Variants in GGT5 observed in about 807,000 individuals in gnomAD.
The protein encoded by GGT5 is gamma-glutamyltransferase 5, also known as glutathione hydrolase 5 proenzyme.
GGT5 carries 50 observed loss-of-function variants against 58.1 expected under a neutral mutation model. The observed-to-expected ratio is 0.86, with a 90% CI of 0.69 to 1.09. GGT5 has a LOEUF of 1.09. Among genes scored for constraint, GGT5 ranks in the 50% least tolerant of loss-of-function variants. GGT5 has a pLI of 0.00. For missense variants in GGT5, 800 were observed against 789.4 expected (o/e 1.01, Z -0.16); for synonymous variants, 370 against 346.1 (o/e 1.07, Z -0.77).
At chr22:24,238,807 A>AAT (rs1556042034) in intron 1 of GGT5, among the ~76,000 whole-genome samples, 158 of 2,204 alleles carry the variant, frequency 0.072, 10 homozygotes, top group East Asian at 0.14. Context: ...ATATATATAT[A>AAT]ATATATTATA....
chr22:24,226,877 C>T, intron 6 of GGT5, 110 bp from the exon 7 acceptor site: 1 of 833,012 alleles, frequency 1.2e-6, no homozygotes, highest in Non-Finnish European at 2.0e-6. Context: ...ATTCCCAAAA[C>T]CTGTGGATAT....
In GGT5 at chr22:24,224,978, C is replaced by T. The variant is rs747658498; in HGVS notation, c.1614+18G>A. 4 of 1,514,812 alleles carry T rather than the reference C, an allele frequency of 2.6e-6. No individual in the cohort carries two copies. In the South Asian group the frequency reaches 4.7e-5, roughly 18 times the overall value. The allele number at this position is 1,514,812 out of a possible 1,614,324, so 93.8% of individuals were successfully genotyped here. On this transcript the variant is annotated intron_variant, in intron 11 of 11. Transcript: ENST00000327365. ...AGTGGGCTCTGCCCTAGGCATCCAG[C>T]TCGGACCTCAGCCTCACCTGGCTGA... is the stretch of plus-strand genomic sequence containing the variant.
At chr22:24,221,344 CT>C (rs1407784705) in intron 11 of GGT5, among the ~76,000 whole-genome samples, 2 of 150,980 alleles carry the variant, frequency 1.3e-5, no homozygotes, top group East Asian at 3.9e-4. Context: ...CTAAACTGCT[CT>C]TAAGATCAGT....
intron 8 of GGT5, 44 bp downstream of exon 8, chr22:24,226,032 A>T (rs1400334724): frequency 2.2e-6 from 3 of 1,371,046 alleles, no homozygotes; most frequent in African/African-American, 1.4e-5. Flanking sequence ...CAGGTCTAGG[A>T]GAGGAGGAGT....
At chr22:24,227,085 A>G (rs2148898294) in intron 6 of GGT5, among the ~76,000 whole-genome samples, 1 of 151,132 alleles carries the variant, frequency 6.6e-6, no homozygotes, top group Admixed American at 6.6e-5. Context: ...AGTAGCTGAG[A>G]CTACATGTGT....
At position 24,231,471 on chromosome 22, in the gene GGT5, C is replaced by T. The variant is rs2047938361; in HGVS notation, c.814G>A (p.Glu272Lys). 5 of 1,578,346 alleles carry T rather than the reference C, an allele frequency of 3.2e-6. No homozygotes were observed. In the East Asian group the frequency reaches 1.2e-4, roughly 37 times the overall value. Residue 272 changes from glutamate (E) to lysine (K), a missense_variant, in exon 6 of 12, where the codon GAG becomes AAG. By Grantham distance (56) the Glu-to-Lys change is moderately conservative. Coordinates refer to ENST00000327365, the MANE Select transcript of GGT5 (RefSeq NM_004121.5). ...AGGGTATAGTCCCCCAGGGGCACCT[C>T]CAGGGCATCCACCACCTCGGGCTGG... Reference protein sequence around the residue: ...KFQPEVVDALEVPLGDYTLYS... With the variant: ...KFQPEVVDALKVPLGDYTLYS...
At chr22:24,224,664 A>G (rs2047696622) in intron 11 of GGT5, among the ~76,000 whole-genome samples, 1 of 152,232 alleles carries the variant, frequency 6.6e-6, no homozygotes, top group South Asian at 2.1e-4. Context: ...CACAAGGAAA[A>G]AGTCACCATG....
chr22:24,232,085 C>T lies in GGT5; in HGVS notation c.720G>A (p.Leu240=), dbSNP rs1465349354. ...CAATGTCCTCCACCAGCATCTGGCC[C>T]AGCCTCCCCGTGTAGAAGACCTCCA... ...EGVEVFYTGR[L]GQMLVEDIAK... The change falls in exon 5 of 12, where the codon CTG becomes CTA. Residue 240 remains leucine (L), a synonymous_variant. Transcript: ENST00000327365. 6.2e-7 allele frequency: 1 copy of T among 1,613,370 alleles called. No individual in the cohort carries two copies. Among genetic ancestry groups the T allele is most frequent in the South Asian group, 1.1e-5 (1 of 90,924 alleles).
At chr22:24,238,781 T>A (rs1190057319) in intron 1 of GGT5, among the ~76,000 whole-genome samples, 16 of 18,644 alleles carry the variant, frequency 8.6e-4, no homozygotes, top group South Asian at 1.7e-3. Flanking sequence ...ATATATATAA[T>A]ATATATTATA....
chr22:24,233,908 T>G lies in GGT5; in HGVS notation c.270A>C (p.Gly90=), dbSNP rs2096157268. The G allele has an allele frequency of 1.2e-6, 2 of 1,613,504 alleles. No homozygotes were observed. Among genetic ancestry groups the G allele is most frequent in the Non-Finnish European group, 1.7e-6 (2 of 1,179,598 alleles). The change falls in exon 2 of 12, where the codon GGA becomes GGC. Residue 90 remains glycine (G), a synonymous_variant. Coordinates refer to ENST00000327365, the MANE Select transcript of GGT5 (RefSeq NM_004121.5). The part of the protein sequence containing the change: ...VVNPQSMGLG[G]GVIFTIYNVT... ...CATTGTAGATGGTGAAGATGACCCC[T>G]CCGCCCAGGCCCATGCTCTGAGGGT...
rs149508893 is a variant in GGT5 at position 24,219,983 on chromosome 22, G to A, written c.1748C>T (p.Ala583Val). 5 of 1,613,946 alleles carry A rather than the reference G, an allele frequency of 3.1e-6. No individual in the cohort carries two copies. Among genetic ancestry groups the A allele is most frequent in the Non-Finnish European group, 4.2e-6 (5 of 1,179,950 alleles). The change falls in exon 12 of 12, where the codon GCC (alanine) becomes GTC (valine). Residue 583 changes from alanine to valine, a missense_variant. Coordinates refer to ENST00000327365, the MANE Select transcript of GGT5 (RefSeq NM_004121.5). ...CAGAGCAGTGTCTTAGTAGCCTGCGGCCTCCCCACTCTTCCTCAGGTCCGA... is the reference window on the plus strand; with the variant it reads ...CAGAGCAGTGTCTTAGTAGCCTGCGACCTCCCCACTCTTCCTCAGGTCCGA... ...AVSDLRKSGE[A>V]AGY
chr22:24,236,143 A>T (rs1360436756), intron 1 of GGT5, among the ~76,000 whole-genome samples: 1 of 152,178 alleles, frequency 6.6e-6, no homozygotes, highest in Non-Finnish European at 1.5e-5. Context: ...CTGGGTGTCT[A>T]AGAAACATTT....
In GGT5 at chr22:24,231,467, A is replaced by G. The variant is rs2047938211; in HGVS notation, c.818T>C (p.Val273Ala). The part of the protein sequence containing the change: ...FQPEVVDALE[V>A]PLGDYTLYSP... Reference sequence around the variant, plus strand: ...GTACAGGGTATAGTCCCCCAGGGGCACCTCCAGGGCATCCACCACCTCGGG... The same window carrying G: ...GTACAGGGTATAGTCCCCCAGGGGCGCCTCCAGGGCATCCACCACCTCGGG... Residue 273 changes from valine (V) to alanine (A), a missense_variant, in exon 6 of 12, where the codon GTG (valine) becomes GCG (alanine). Val to Ala is a moderately conservative substitution (Grantham distance 64). Transcript: ENST00000327365. The G allele has an allele frequency of 2.5e-6, 4 of 1,576,196 alleles. No homozygotes were observed. The East Asian group carries it at 9.4e-5, about 37-fold the overall frequency.
chr22:24,238,987 CAGG>C (rs1007100097), intron 1 of GGT5, among the ~76,000 whole-genome samples: 9 of 95,222 alleles, frequency 9.5e-5, no homozygotes, highest in Admixed American at 8.9e-4. Context: ...ACACAGTCCT[CAGG>C]AGATCCTTGA....
chr22:24,220,653 T>C (rs1026998628), intron 11 of GGT5: 1 of 454,964 alleles, frequency 2.2e-6, no homozygotes, highest in South Asian at 1.6e-5. Flanking sequence ...TCTTAGCCAC[T>C]TGGGAGCCAA....
rs1339671270 is a variant in GGT5, at chr22:24,237,224, CAT to C, written c.174-3222_174-3221del. Among the ~76,000 whole-genome samples, 15 of 152,042 alleles carry C rather than the reference CAT, an allele frequency of 9.9e-5. No homozygotes were observed. The East Asian group carries it at 2.9e-3, about 29-fold the overall frequency. On this transcript the variant is annotated intron_variant, in intron 1 of 11. Coordinates refer to ENST00000327365, the MANE Select transcript of GGT5 (RefSeq NM_004121.5). ...TCTAGAGCAGTGCTGTTGACCTACT[CAT>C]GTGCTGAGGGAGGGGATGCCATAAT...
chr22:24,233,468 T>C (rs1403845345), intron 3 of GGT5, 30 bp downstream of exon 3: 1 of 1,272,204 alleles, frequency 7.9e-7, no homozygotes, highest in East Asian at 2.4e-5. Flanking sequence ...GCCTGGGGGG[T>C]GGGAGTGGGG....
chr22:24,225,771 C>T, intron 8 of GGT5, 119 bp from the exon 9 acceptor site: 1 of 706,464 alleles, frequency 1.4e-6, no homozygotes, highest in Non-Finnish European at 2.5e-6. Flanking sequence ...CATGCTGAAG[C>T]CGCTATTCTC....
chr22:24,239,237 G>A (rs2048262837), intron 1 of GGT5, among the ~76,000 whole-genome samples: 1 of 151,182 alleles, frequency 6.6e-6, no homozygotes, highest in Non-Finnish European at 1.5e-5. Flanking sequence ...TACTCGGGAG[G>A]CTGAAGCAGG....
Sources: gnomAD v4.1 joint callset for allele counts (sites outside exome capture counted in the v4.1 genomes callset) on GRCh38, gnomAD v4.1.1 for gene constraint, MANE v1.5 for transcripts, NCBI Gene and HGNC (gene_info 2026-07-23, HGNC 2026-07-21) for gene names.